Variants in NEK7 observed in about 807,000 individuals in gnomAD.
NEK7 encodes NIMA related kinase 7, also known as serine/threonine-protein kinase Nek7.
Under a neutral mutation model 44.6 loss-of-function variants are expected in NEK7, and 18 were observed. The ratio of observed to expected loss-of-function variants is 0.40; its 90% CI spans 0.28 to 0.60. The LOEUF (loss-of-function observed/expected upper bound fraction) is 0.60, where lower values mean the gene tolerates loss of function less well. NEK7 is among the 20% of genes least tolerant of loss of function. The pLI is 0.38. For synonymous variants in NEK7, 130 were observed against 121.1 expected, an observed-to-expected ratio of 1.07 and a Z score of -0.48; for missense variants, 256 against 366.5, an observed-to-expected ratio of 0.70 and a Z score of 2.46.
rs1030880711 is a variant in NEK7, at chr1:198,320,289, T to A, written c.*767T>A. On this transcript the variant is annotated 3_prime_UTR_variant, in exon 10 of 10. Transcript: ENST00000367385. ...TTTAAAGTTGCACATTGCCCAAGGCTTTTTTTGTGTGTTTTTATTGTTGTT... is the reference window on the plus strand; with the variant it reads ...TTTAAAGTTGCACATTGCCCAAGGCATTTTTTGTGTGTTTTTATTGTTGTT... 1.3e-5 allele frequency: 2 copies of A among 152,112 alleles called. No individual in the cohort carries two copies. Among genetic ancestry groups the A allele is most frequent in the Admixed American group, 6.6e-5 (1 of 15,266 alleles). The allele number at this position is 152,112 out of a possible 1,614,324, so 9.4% of individuals were successfully genotyped here.
intron 1 of NEK7, among the ~76,000 whole-genome samples, chr1:198,158,853 A>C (rs1239703425): frequency 6.6e-6 from 1 of 151,994 alleles, no homozygotes; most frequent in Non-Finnish European, 1.5e-5. Flanking sequence ...GGCATCCTCT[A>C]TTTGGTCTCG....
At chr1:198,196,990 G>C (rs1339970889) in intron 1 of NEK7, among the ~76,000 whole-genome samples, 1 of 152,152 alleles carries the variant, frequency 6.6e-6, no homozygotes, top group Non-Finnish European at 1.5e-5. Flanking sequence ...TGGACTTTTT[G>C]TGTACCACTA....
chr1:198,186,281 A>G (rs1325049744), intron 1 of NEK7, among the ~76,000 whole-genome samples: 1 of 152,244 alleles, frequency 6.6e-6, no homozygotes, highest in Non-Finnish European at 1.5e-5. Context: ...GATGTATGGC[A>G]AACTATAATA....
intron 7 of NEK7, among the ~76,000 whole-genome samples, chr1:198,281,943 A>G (rs1246017462): frequency 6.6e-6 from 1 of 152,108 alleles, no homozygotes; most frequent in Non-Finnish European, 1.5e-5. Context: ...GTATGATGAC[A>G]TAGCATAGTA....
intron 3 of NEK7, among the ~76,000 whole-genome samples, chr1:198,254,966 C>T (rs1168357879): frequency 6.6e-6 from 1 of 152,068 alleles, no homozygotes; most frequent in East Asian, 1.9e-4. Flanking sequence ...TCTGAGCACC[C>T]AGGGAAATAA....
chr1:198,160,714 G>A (rs974961949), intron 1 of NEK7, among the ~76,000 whole-genome samples: 1 of 152,104 alleles, frequency 6.6e-6, no homozygotes, highest in African/African-American at 2.4e-5. Flanking sequence ...TAGGGAATAT[G>A]GATGAATAAC....
At chr1:198,239,761 C>T (rs1666633108) in intron 2 of NEK7, among the ~76,000 whole-genome samples, 1 of 152,066 alleles carries the variant, frequency 6.6e-6, no homozygotes. Flanking sequence ...GTTAACTGTA[C>T]AGTCCCGAGT....
intron 1 of NEK7, among the ~76,000 whole-genome samples, chr1:198,212,019 A>G (rs1162861288): frequency 6.6e-6 from 1 of 152,204 alleles, no homozygotes; most frequent in Non-Finnish European, 1.5e-5. Context: ...AGCAATGGGA[A>G]GTCTATGAGA....
At position 198,264,223 on chromosome 1, in the gene NEK7, C is replaced by G. The variant is rs2102950590; in HGVS notation, c.360C>G (p.Ser120=). 6.3e-7 allele frequency: 1 copy of G among 1,590,516 alleles called. No individual in the cohort carries two copies. Among genetic ancestry groups the G allele is most frequent in the South Asian group, 1.2e-5 (1 of 85,808 alleles). ...AACTAGCAGATGCTGGCGACCTATC[C>G]AGAATGATCAAGGTAAGTTTTGAAA... ...VLELADAGDL[S]RMIKHFKKQK... The change falls in exon 5 of 10, where the codon TCC becomes TCG. Residue 120 remains serine (S), a synonymous_variant. Coordinates refer to ENST00000367385, the MANE Select transcript of NEK7 (RefSeq NM_133494.3).
intron 1 of NEK7, among the ~76,000 whole-genome samples, chr1:198,159,575 C>G (rs1484979894): frequency 6.6e-6 from 1 of 152,208 alleles, no homozygotes; most frequent in Admixed American, 6.5e-5. Context: ...GGTTAAAAAT[C>G]TTACCAATTT....
At chr1:198,165,308 A>C (rs1397606253) in intron 1 of NEK7, among the ~76,000 whole-genome samples, 1 of 152,222 alleles carries the variant, frequency 6.6e-6, no homozygotes, top group Non-Finnish European at 1.5e-5. Context: ...GAAGGTTTTC[A>C]GTTTACTTTA....
At chr1:198,310,667 T>G (rs995414735) in intron 9 of NEK7, among the ~76,000 whole-genome samples, 14 of 152,262 alleles carry the variant, frequency 9.2e-5, no homozygotes, top group African/African-American at 3.4e-4. Flanking sequence ...ATACGGCTAG[T>G]CAGTTTCCCC....
intron 4 of NEK7, among the ~76,000 whole-genome samples, chr1:198,263,482 A>G (rs1233958879): frequency 1.3e-5 from 2 of 151,952 alleles, no homozygotes; most frequent in Admixed American, 1.3e-4. Flanking sequence ...AATTTCTCAG[A>G]GAAACAATTC....
chr1:198,305,907 G>A (rs1203228019), intron 9 of NEK7, among the ~76,000 whole-genome samples: 1 of 152,098 alleles, frequency 6.6e-6, no homozygotes, highest in Non-Finnish European at 1.5e-5. Flanking sequence ...TGTGTGGAAG[G>A]TCACCCCACC....
chr1:198,258,364 G>C (rs1279610119), intron 3 of NEK7, among the ~76,000 whole-genome samples: 1 of 152,126 alleles, frequency 6.6e-6, no homozygotes, highest in Non-Finnish European at 1.5e-5. Context: ...GCTTGAACCC[G>C]GGAGGTGGAG....
At chr1:198,268,506 C>T (rs1057319287) in intron 5 of NEK7, among the ~76,000 whole-genome samples, 8 of 152,042 alleles carry the variant, frequency 5.3e-5, no homozygotes, top group African/African-American at 9.7e-5. Flanking sequence ...CTCTCCCTAT[C>T]GTCTCTCATT....
In NEK7 at chr1:198,243,524, T is replaced by C. The variant is rs145204632; in HGVS notation, c.58-9516T>C. On this transcript the variant is annotated intron_variant, in intron 2 of 9. Transcript: ENST00000367385. ...CTTTGACGTTAATTAATTATCTTGCTCATGATAACATAGGAGAGATAATCA... is the reference window on the plus strand; with the variant it reads ...CTTTGACGTTAATTAATTATCTTGCCCATGATAACATAGGAGAGATAATCA... 2.9e-3 allele frequency among the ~76,000 whole-genome samples: 437 copies of C among 152,338 alleles called. 2 individuals are homozygous for C. The highest frequency in any genetic ancestry group is 9.9e-3 in the African/African-American group (410 of 41,590).
At chr1:198,288,258 T>C (rs992215609) in intron 7 of NEK7, among the ~76,000 whole-genome samples, 1 of 152,250 alleles carries the variant, frequency 6.6e-6, no homozygotes, top group African/African-American at 2.4e-5. Flanking sequence ...CCTTCTTAAG[T>C]AATTGCTCTG....
chr1:198,228,186 A>G (rs573802607), intron 1 of NEK7, among the ~76,000 whole-genome samples: 36 of 152,218 alleles, frequency 2.4e-4, no homozygotes, highest in Non-Finnish European at 3.7e-4. Context: ...GTAGATATGC[A>G]GCATTATTTC....
Sources: gnomAD v4.1 joint callset for allele counts (sites outside exome capture counted in the v4.1 genomes callset) on GRCh38, gnomAD v4.1.1 for gene constraint, MANE v1.5 for transcripts, NCBI Gene and HGNC (gene_info 2026-07-23, HGNC 2026-07-21) for gene names.